Variants in PEX13 observed in about 807,000 individuals in gnomAD.
The protein encoded by PEX13 is peroxisome biogenesis factor 13.
PEX13 carries 28 observed loss-of-function variants against 34.5 expected under a neutral mutation model. That is an observed-to-expected ratio of 0.81 (90% CI 0.60 to 1.11). The LOEUF (loss-of-function observed/expected upper bound fraction) is 1.11. Among genes scored for constraint, PEX13 ranks in the 50% most tolerant of loss-of-function variants. PEX13 has a pLI of 0.00. For synonymous variants in PEX13, 177 were observed against 175.1 expected (o/e 1.01, Z -0.09); for missense variants, 550 against 491.0 (o/e 1.12, Z -1.13).
rs559122068 is a variant in PEX13 at position 61,045,817 on chromosome 2, C to T, written c.879C>T (p.Phe293=). ...FAAVSEEEIS[F]RAGDMLNLAL... ...CCGTATCTGAAGAAGAAATTTCTTT[C>T]CGGGCTGGTGATATGCTGAACTTAG... The change falls in exon 3 of 4, where the codon TTC becomes TTT. Residue 293 remains phenylalanine (F), a synonymous_variant. Coordinates refer to ENST00000295030, the MANE Select transcript of PEX13 (RefSeq NM_002618.4). 2 of 1,613,052 alleles carry T rather than the reference C, an allele frequency of 1.2e-6. No homozygotes were observed. The highest frequency in any genetic ancestry group is 2.7e-5 in the African/African-American group (2 of 74,974).
At chr2:61,023,741 T>G (rs1054661786) in intron 1 of PEX13, among the ~76,000 whole-genome samples, 1 of 151,688 alleles carries the variant, frequency 6.6e-6, no homozygotes, top group African/African-American at 2.4e-5. Flanking sequence ...TCTTTTTTTT[T>G]TTTTTTTGTC....
chr2:61,018,570 T>C (rs1291030401), intron 1 of PEX13: 4 of 247,220 alleles, frequency 1.6e-5, no homozygotes, highest in Non-Finnish European at 2.3e-5. Context: ...CTCGTGTGGC[T>C]TTTGTTTGGT....
intron 2 of PEX13, among the ~76,000 whole-genome samples, chr2:61,040,252 T>C (rs1422870479): frequency 6.6e-6 from 1 of 152,090 alleles, no homozygotes; most frequent in Non-Finnish European, 1.5e-5. Flanking sequence ...ATCCAAAGGA[T>C]TATAAATCGT....
At position 61,045,866 on chromosome 2, in the gene PEX13, A is replaced by G. The variant is rs185304365; in HGVS notation, c.913+15A>G. 1.3e-4 allele frequency: 213 copies of G among 1,598,452 alleles called. No individual in the cohort carries two copies. The African/African-American group carries it at 2.3e-3, about 17-fold the overall frequency. On this transcript the variant is annotated intron_variant, in intron 3 of 3. Coordinates refer to ENST00000295030, the MANE Select transcript of PEX13 (RefSeq NM_002618.4). ...AGCTCTCAAAGGTAATAAATTATGA[A>G]TAAGTTGGAATTATCTGTAAATTTT...
At chr2:61,021,647 A>G (rs892055768) in intron 1 of PEX13, among the ~76,000 whole-genome samples, 13 of 152,238 alleles carry the variant, frequency 8.5e-5, no homozygotes, top group African/African-American at 3.1e-4. Flanking sequence ...TCCCTGTCTG[A>G]TAGCTCTGAA....
intron 2 of PEX13, among the ~76,000 whole-genome samples, chr2:61,034,255 C>T (rs1680498174): frequency 6.6e-6 from 1 of 152,162 alleles, no homozygotes. Flanking sequence ...CCTCAGCCTC[C>T]CAAAGTGCTA....
chr2:61,022,136 A>C (rs1027553619), intron 1 of PEX13, among the ~76,000 whole-genome samples: 1 of 152,236 alleles, frequency 6.6e-6, no homozygotes, highest in Non-Finnish European at 1.5e-5. Context: ...AAAGGATCGC[A>C]GCTCCTTGCC....
chr2:61,031,372 A>G, intron 1 of PEX13, 47 bp from the exon 2 acceptor site: 1 of 1,400,518 alleles, frequency 7.1e-7, no homozygotes, highest in Non-Finnish European at 1.0e-6. Flanking sequence ...TTTGAATTGA[A>G]TTTATTGTAT....
chr2:61,041,220 T>G (rs551830746), intron 2 of PEX13, among the ~76,000 whole-genome samples: 1 of 152,192 alleles, frequency 6.6e-6, no homozygotes, highest in East Asian at 1.9e-4. Flanking sequence ...TCCCAGTTAC[T>G]TGGGAGGCTG....
intron 2 of PEX13, among the ~76,000 whole-genome samples, chr2:61,044,312 C>G (rs1354516416): frequency 2.0e-5 from 3 of 152,076 alleles, no homozygotes; most frequent in Non-Finnish European, 4.4e-5. Context: ...CTCAGTTGCC[C>G]AGGCTGGAGT....
At chr2:61,043,299 A>T (rs1380224998) in intron 2 of PEX13, among the ~76,000 whole-genome samples, 1 of 150,070 alleles carries the variant, frequency 6.7e-6, no homozygotes. Flanking sequence ...GATGGAGACC[A>T]TCCTGGCTAA....
chr2:61,022,679 A>G (rs1052032713), intron 1 of PEX13, among the ~76,000 whole-genome samples: 2 of 152,190 alleles, frequency 1.3e-5, no homozygotes, highest in Non-Finnish European at 2.9e-5. Flanking sequence ...GACTAGTCTG[A>G]GCAACATAAC....
intron 1 of PEX13, among the ~76,000 whole-genome samples, chr2:61,028,509 C>A (rs1176726966): frequency 6.6e-6 from 1 of 151,772 alleles, no homozygotes; most frequent in Non-Finnish European, 1.5e-5. Context: ...CCCTCAGCCT[C>A]CCGAGTAGCT....
At chr2:61,026,593 A>G (rs192590892) in intron 1 of PEX13, among the ~76,000 whole-genome samples, 106 of 149,956 alleles carry the variant, frequency 7.1e-4, no homozygotes, top group African/African-American at 2.3e-3. Flanking sequence ...TGATCCACCC[A>G]CCTCAGCCTC....
intron 1 of PEX13, among the ~76,000 whole-genome samples, chr2:61,021,756 C>T (rs1433544113): frequency 6.6e-6 from 1 of 152,222 alleles, no homozygotes; most frequent in Non-Finnish European, 1.5e-5. Flanking sequence ...GACTGGGAAA[C>T]ACCTCCCAGT....
chr2:61,045,856 T>C lies in PEX13; in HGVS notation c.913+5T>C, dbSNP rs1380556679. On this transcript the variant is annotated splice_donor_5th_base_variant and intron_variant, in intron 3 of 3. Coordinates refer to ENST00000295030, the MANE Select transcript of PEX13 (RefSeq NM_002618.4). Reference sequence around the variant, plus strand: ...TGCTGAACTTAGCTCTCAAAGGTAATAAATTATGAATAAGTTGGAATTATC... The same window carrying C: ...TGCTGAACTTAGCTCTCAAAGGTAACAAATTATGAATAAGTTGGAATTATC... The C allele has an allele frequency of 1.2e-6, 2 of 1,609,200 alleles. No homozygotes were observed. The highest frequency in any genetic ancestry group is 1.7e-6 in the Non-Finnish European group (2 of 1,175,670).
At chr2:61,026,392 C>T (rs1004371393) in intron 1 of PEX13, among the ~76,000 whole-genome samples, 13 of 144,364 alleles carry the variant, frequency 9.0e-5, no homozygotes, top group East Asian at 6.2e-4. Context: ...TCGCCCAGGC[C>T]GGAGTGCAGT....
intron 1 of PEX13, among the ~76,000 whole-genome samples, chr2:61,026,823 C>A (rs1290693464): frequency 6.6e-6 from 1 of 151,720 alleles, no homozygotes; most frequent in Non-Finnish European, 1.5e-5. Flanking sequence ...GGGTTTTATA[C>A]TTGCTGATTT....
At chr2:61,030,440 G>A (rs1680431884) in intron 1 of PEX13, among the ~76,000 whole-genome samples, 1 of 152,138 alleles carries the variant, frequency 6.6e-6, no homozygotes, top group Non-Finnish European at 1.5e-5. Context: ...AGTCTGTTTA[G>A]TGCCAGGTTT....
Sources: gnomAD v4.1 joint callset for allele counts (sites outside exome capture counted in the v4.1 genomes callset) on GRCh38, gnomAD v4.1.1 for gene constraint, MANE v1.5 for transcripts, NCBI Gene and HGNC (gene_info 2026-07-23, HGNC 2026-07-21) for gene names.